Variants in SPRED3 observed in about 807,000 individuals in gnomAD.
SPRED3 encodes the protein sprouty related EVH1 domain containing 3.
Under a neutral mutation model 37.6 loss-of-function variants are expected in SPRED3, and 23 were observed. That is an observed-to-expected ratio of 0.61 (90% CI 0.44 to 0.87). The LOEUF is 0.87. SPRED3 is among the 40% of genes least tolerant of loss of function. SPRED3 has a pLI of 0.00. For synonymous variants in SPRED3, 302 were observed against 279.6 expected (o/e 1.08, Z -0.80); for missense variants, 584 against 618.6 (o/e 0.94, Z 0.59).
Position 38,390,284 on chromosome 19 carries a change from C to A in SPRED3, c.-4-15C>A. Reference sequence around the variant, plus strand: ...ATGACTGTGTTGTCCCTGTCCTTCCCCCCACCTCCTGCAGGTACATGGTGC... The same window carrying A: ...ATGACTGTGTTGTCCCTGTCCTTCCACCCACCTCCTGCAGGTACATGGTGC... On this transcript the variant is annotated splice_polypyrimidine_tract_variant and intron_variant, in intron 1 of 5. Transcript: ENST00000691638. 7.5e-7 allele frequency: 1 copy of A among 1,339,104 alleles called. No individual in the cohort carries two copies. The highest frequency in any genetic ancestry group is 2.5e-5 in the South Asian group (1 of 39,338). 83.0% of individuals were successfully genotyped at this position (1,339,104 alleles called of 1,614,324 possible). A position where few individuals can be genotyped will look rare whatever the true frequency, so the allele number is the denominator to read the frequency against.
chr19:38,394,745 G>A lies in SPRED3; in HGVS notation c.526G>A (p.Gly176Arg). 6.3e-7 allele frequency: 1 copy of A among 1,583,732 alleles called. No homozygotes were observed. The highest frequency in any genetic ancestry group is 8.6e-7 in the Non-Finnish European group (1 of 1,168,002). ...IITMESASGFGPTTPPQRRRS... is the reference protein window; with the variant it reads ...IITMESASGFRPTTPPQRRRS... ...CACGATGGAGTCAGCTTCAGGCTTC[G>A]GGCCGACCACGCCCCCCCAGCGCCG... Residue 176 changes from glycine to arginine, a missense_variant, in exon 5 of 6, where the codon GGG (glycine) becomes AGG (arginine). This residue lies in a region of SPRED3 where 310 missense variants were observed against 281.1 expected (regional missense o/e 1.10). Transcript: ENST00000691638.
Position 38,395,528 on chromosome 19 carries a change from C to A in SPRED3, c.616C>A (p.Pro206Thr). ...CACGGGGATTCCGGAACCCTCAGAG[C>A]CCCTGGCAGGGGCAGGGGGCCTGGG... ...PFTGIPEPSE[P>T]LAGAGGLGWG... Residue 206 changes from proline to threonine, a missense_variant, in exon 6 of 6, where the codon CCC (proline) becomes ACC (threonine). Physicochemically the swap from Pro to Thr is conservative, Grantham distance 38. Coordinates refer to ENST00000691638, the MANE Select transcript of SPRED3 (RefSeq NM_001394336.1). This position sits in a 1 kb window ranked among gnomAD's most constrained non-coding sequence, Gnocchi z 5.2. The A allele has an allele frequency of 1.3e-6, 2 of 1,542,460 alleles. No homozygotes were observed. Among genetic ancestry groups the A allele is most frequent in the South Asian group, 1.2e-5 (1 of 81,416 alleles).
chr19:38,397,581 C>T lies in SPRED3; in HGVS notation c.*1436C>T, dbSNP rs1970913216. On this transcript the variant is annotated 3_prime_UTR_variant, in exon 6 of 6. Transcript: ENST00000691638. ...TGATGAACCCCAAGTTGCCTCTACA[C>T]CTGATTCCCCCATCCCCACTTGTCG... The T allele has an allele frequency of 1.3e-5, 2 of 152,248 alleles. No individual in the cohort carries two copies. Among genetic ancestry groups the T allele is most frequent in the Admixed American group, 1.3e-4 (2 of 15,268 alleles). 9.4% of individuals were successfully genotyped at this position (152,248 alleles called of 1,614,324 possible). A position where few individuals can be genotyped will look rare whatever the true frequency, so the allele number is the denominator to read the frequency against.
At chr19:38,393,450 G>A (rs1191187766) in intron 4 of SPRED3, among the ~76,000 whole-genome samples, 1 of 150,004 alleles carries the variant, frequency 6.7e-6, no homozygotes, top group East Asian at 2.0e-4. Context: ...CAGGTTCAAG[G>A]GATTCTTCTG....
intron 4 of SPRED3, 169 bp from the exon 5 acceptor site, chr19:38,394,470 CAAAG>C (rs1970868771): frequency 6.7e-7 from 1 of 1,495,376 alleles, no homozygotes; most frequent in African/African-American, 1.4e-5. Flanking sequence ...AACTGAGGCT[CAAAG>C]AGGTGAGCTC....
At chr19:38,394,347 A>G (rs1316176310) in intron 4 of SPRED3, 1 of 1,547,078 alleles carries the variant, frequency 6.5e-7, no homozygotes. Context: ...AAAAATAACA[A>G]TAACCATTTC....
chr19:38,394,431 T>C lies in SPRED3; in HGVS notation c.424-212T>C, dbSNP rs1214127577. 8 of 1,510,228 alleles carry C rather than the reference T, an allele frequency of 5.3e-6. No individual in the cohort carries two copies. In the South Asian group the frequency reaches 9.1e-5, roughly 17 times the overall value. The allele number at this position is 1,510,228 out of a possible 1,614,324, so 93.6% of individuals were successfully genotyped here. A position where few individuals can be genotyped will look rare whatever the true frequency, so the allele number is the denominator to read the frequency against. ...TAACCGCATCCTTATGAATAGGTAC[T>C]CTTAGGATCCCCGTTTTACAGAGGA... On this transcript the variant is annotated intron_variant, in intron 4 of 5. Transcript: ENST00000691638.
At chr19:38,393,344 CTTT>C (rs74176441) in intron 4 of SPRED3, among the ~76,000 whole-genome samples, 8 of 121,122 alleles carry the variant, frequency 6.6e-5, no homozygotes, top group African/African-American at 6.1e-5. Context: ...ATACTATTAT[CTTT>C]TTTTTTTTTT....
At position 38,395,724 on chromosome 19, in the gene SPRED3, C is replaced by T. The variant is rs1970887561; in HGVS notation, c.812C>T (p.Pro271Leu). Residue 271 changes from proline (P) to leucine (L), a missense_variant, in exon 6 of 6, where the codon CCC becomes CTC. Physicochemically the swap from Pro to Leu is moderately conservative, Grantham distance 98. This residue lies in a region of SPRED3 where 310 missense variants were observed against 281.1 expected (regional missense o/e 1.10). Coordinates refer to ENST00000691638, the MANE Select transcript of SPRED3 (RefSeq NM_001394336.1). This position sits in a 1 kb window ranked among gnomAD's most constrained non-coding sequence, Gnocchi z 5.2. The stretch of plus-strand genomic sequence containing the variant: ...ACCGAGGCTGCGCCCCCAGCGCCCC[C>T]CGCTCGCCCACCCCCCGGCCCGGGC... ...PLTEAAPPAP[P>L]ARPPPGPGPS... 5 of 1,454,276 alleles carry T rather than the reference C, an allele frequency of 3.4e-6. No homozygotes were observed. Among genetic ancestry groups the T allele is most frequent in the Admixed American group, 2.7e-5 (1 of 36,952 alleles). 90.1% of individuals were successfully genotyped at this position (1,454,276 alleles called of 1,614,324 possible). A position where few individuals can be genotyped will look rare whatever the true frequency, so the allele number is the denominator to read the frequency against.
In SPRED3 at chr19:38,397,913, A is replaced by AC. The variant is rs1451915652; in HGVS notation, c.*1768_*1769insC. The AC allele has an allele frequency of 1.3e-5, 2 of 152,018 alleles. No homozygotes were observed. Among genetic ancestry groups the AC allele is most frequent in the African/African-American group, 4.8e-5 (2 of 41,298 alleles). 9.4% of individuals were successfully genotyped at this position (152,018 alleles called of 1,614,324 possible). ...TAGTGAGACCGTCTCTAAAAAAAAA[A>AC]AAAAAGGACCAAGTAGGAGCTCCCT... On this transcript the variant is annotated 3_prime_UTR_variant, in exon 6 of 6. Transcript: ENST00000691638.
rs767172095 is a variant in SPRED3, at chr19:38,394,803, T to C, written c.567+17T>C. 6.5e-7 allele frequency: 1 copy of C among 1,531,634 alleles called. No homozygotes were observed. Among genetic ancestry groups the C allele is most frequent in the South Asian group, 1.2e-5 (1 of 83,108 alleles). The allele number at this position is 1,531,634 out of a possible 1,614,324, so 94.9% of individuals were successfully genotyped here. A position where few individuals can be genotyped will look rare whatever the true frequency, so the allele number is the denominator to read the frequency against. On this transcript the variant is annotated intron_variant, in intron 5 of 5. Coordinates refer to ENST00000691638, the MANE Select transcript of SPRED3 (RefSeq NM_001394336.1). ...TCCGCTCAGGTGCGACCTGGGAGCC[T>C]GGGGCTCCTGGGGGAATGGGGCGGT...
At chr19:38,389,674 C>G (rs1473243637) in intron 1 of SPRED3, 1 of 150,656 alleles carries the variant, frequency 6.6e-6, no homozygotes, top group Non-Finnish European at 1.5e-5. Context: ...CTCTGAGCCT[C>G]TCTTTCTGGC....
At chr19:38,393,057 C>A (rs1034417465) in intron 4 of SPRED3, among the ~76,000 whole-genome samples, 4 of 152,186 alleles carry the variant, frequency 2.6e-5, no homozygotes, top group African/African-American at 9.7e-5. Flanking sequence ...TCGGCTTCGG[C>A]CACATGGCCT....
intron 2 of SPRED3, 87 bp from the exon 3 acceptor site, chr19:38,391,859 G>A (rs1009921526): frequency 1.3e-6 from 2 of 1,482,492 alleles, no homozygotes; most frequent in Non-Finnish European, 1.9e-6. Flanking sequence ...GAAGACACTA[G>A]GGTATGCATG....
Position 38,395,761 on chromosome 19 carries a change from G to A in SPRED3, c.849G>A (p.Ala283=). The change falls in exon 6 of 6, where the codon GCG becomes GCA. Residue 283 remains alanine, a synonymous_variant. Transcript: ENST00000691638. The surrounding 1 kb of genome is among the most constrained non-coding windows in gnomAD (Gnocchi z 5.2). ...RPPPGPGPSS[A]PAKASPEAEE... The stretch of plus-strand genomic sequence containing the variant: ...CCCCCGGCCCGGGCCCATCCTCTGC[G>A]CCTGCCAAGGCCTCCCCGGAAGCGG... 6.9e-7 allele frequency: 1 copy of A among 1,458,612 alleles called. No individual in the cohort carries two copies. The highest frequency in any genetic ancestry group is 3.0e-5 in the East Asian group (1 of 33,744). 90.4% of individuals were successfully genotyped at this position (1,458,612 alleles called of 1,614,324 possible). A position where few individuals can be genotyped will look rare whatever the true frequency, so the allele number is the denominator to read the frequency against.
Position 38,396,119 on chromosome 19 carries a change from G to A in SPRED3, c.1207G>A (p.Gly403Ser). The stretch of plus-strand genomic sequence containing the variant: ...GCGATGCGGCTGCGCCGGCTGCGGG[G>A]GTCGCCACGAGGAGGCTGCGCGGTG... The part of the protein sequence containing the change: ...AARCGCAGCG[G>S]RHEEAAR Residue 403 changes from glycine (G) to serine (S), a missense_variant, in exon 6 of 6, where the codon GGT (glycine) becomes AGT (serine). Gly to Ser is a moderately conservative substitution (Grantham distance 56). Around this residue, in one of 7 missense-constraint regions of SPRED3, gnomAD observed 85 missense variants for 117.8 expected, o/e 0.72. Transcript: ENST00000691638. The A allele has an allele frequency of 1.6e-6, 2 of 1,284,936 alleles. No individual in the cohort carries two copies. Among genetic ancestry groups the A allele is most frequent in the South Asian group, 2.6e-5 (1 of 39,020 alleles). The allele number at this position is 1,284,936 out of a possible 1,614,324, so 79.6% of individuals were successfully genotyped here. A position where few individuals can be genotyped will look rare whatever the true frequency, so the allele number is the denominator to read the frequency against.
intron 4 of SPRED3, chr19:38,392,596 C>A: frequency 3.5e-6 from 1 of 282,234 alleles, no homozygotes. Flanking sequence ...TGTGGAAAGG[C>A]AGAAAATTAA....
intron 4 of SPRED3, 177 bp from the exon 5 acceptor site, chr19:38,394,466 G>A: frequency 1.3e-6 from 2 of 1,491,070 alleles, no homozygotes; most frequent in Middle Eastern, 1.7e-4. Flanking sequence ...AGGAAACTGA[G>A]GCTCAAAGAG....
chr19:38,394,718 A>T lies in SPRED3; in HGVS notation c.499A>T (p.Ile167Phe). 1 of 1,593,622 alleles carries T rather than the reference A, an allele frequency of 6.3e-7. No homozygotes were observed. Among genetic ancestry groups the T allele is most frequent in the Non-Finnish European group, 8.5e-7 (1 of 1,172,730 alleles). ...TPPSAAAAPI[I>F]TMESASGFGP... ...TCCCAGCGCCGCTGCGGCCCCCATCATCACGATGGAGTCAGCTTCAGGCTT... is the reference window on the plus strand; with the variant it reads ...TCCCAGCGCCGCTGCGGCCCCCATCTTCACGATGGAGTCAGCTTCAGGCTT... Residue 167 changes from isoleucine (I) to phenylalanine (F), a missense_variant, in exon 5 of 6, where the codon ATC (isoleucine) becomes TTC (phenylalanine). Ile to Phe is a conservative substitution (Grantham distance 21, BLOSUM62 0). Transcript: ENST00000691638.
Sources: allele counts gnomAD v4.1 joint callset (sites outside exome capture counted in the v4.1 genomes callset), GRCh38; gene constraint gnomAD v4.1.1; regional missense constraint gnomAD v4.1.1; non-coding constraint Gnocchi (gnomAD v3.1); transcripts MANE v1.5; gene names NCBI Gene and HGNC (gene_info 2026-07-23, HGNC 2026-07-21).